Variants in OSBPL9 observed in about 807,000 individuals in gnomAD.
The protein encoded by OSBPL9 is oxysterol binding protein like 9, also known as oxysterol-binding protein-related protein 9.
A neutral mutation model predicts 106.6 loss-of-function variants in OSBPL9; 40 were observed. That is an observed-to-expected ratio of 0.38 (90% CI 0.29 to 0.49). The LOEUF is 0.49. OSBPL9 is among the 20% of genes least tolerant of loss of function. The pLI, the probability that OSBPL9 is intolerant of heterozygous loss-of-function variation, is 0.97. For synonymous variants in OSBPL9, 269 were observed against 295.4 expected (o/e 0.91, Z 0.92); for missense variants, 609 against 887.2 (o/e 0.69, Z 3.98).
the OSBPL9 span, among the ~76,000 whole-genome samples, chr1:51,571,584 T>C: frequency 3.9e-5 from 6 of 151,980 alleles, no homozygotes; most frequent in Non-Finnish European, 5.9e-5. Flanking sequence ...GGAGAAGCAT[T>C]TGGGCCCAGG....
At chr1:51,545,816 A>G in the OSBPL9 span, among the ~76,000 whole-genome samples, 1 of 152,190 alleles carries the variant, frequency 6.6e-6, no homozygotes, top group Non-Finnish European at 1.5e-5. Context: ...TTATAGCTGA[A>G]GACTTTAACA....
At chr1:51,682,465 A>G (rs1162804629) in intron 3 of OSBPL9, among the ~76,000 whole-genome samples, 1 of 152,020 alleles carries the variant, frequency 6.6e-6, no homozygotes, top group East Asian at 1.9e-4. Flanking sequence ...ATGAACAGAT[A>G]AAGAAAATGT....
intron 3 of OSBPL9, among the ~76,000 whole-genome samples, chr1:51,708,428 TTTG>T (rs1447180898): frequency 6.6e-6 from 1 of 152,150 alleles, no homozygotes; most frequent in African/African-American, 2.4e-5. Context: ...CTGTTTTACA[TTTG>T]TTGTATTCAG....
At chr1:51,724,585 A>G (rs1662774219) in intron 4 of OSBPL9, among the ~76,000 whole-genome samples, 1 of 151,802 alleles carries the variant, frequency 6.6e-6, no homozygotes, top group Admixed American at 6.6e-5. Flanking sequence ...CGCCTGGCCC[A>G]CTCTTCTTGC....
chr1:51,585,489 A>T (rs1009878469), intron 1 of OSBPL9, among the ~76,000 whole-genome samples: 1 of 152,172 alleles, frequency 6.6e-6, no homozygotes, highest in African/African-American at 2.4e-5. Flanking sequence ...TATCAAAAAT[A>T]AAGTTCAGCC....
chr1:51,750,200 G>A lies in OSBPL9; in HGVS notation c.543+5G>A. The A allele has an allele frequency of 6.3e-7, 1 of 1,598,122 alleles. No homozygotes were observed. The highest frequency in any genetic ancestry group is 8.5e-7 in the Non-Finnish European group (1 of 1,171,294). On this transcript the variant is annotated splice_donor_5th_base_variant and intron_variant, in intron 8 of 23. Transcript: ENST00000428468. ...GTGTTGCTGCAGATTGCCAAAGTAA[G>A]TAAATTTTACTTTCAATTACCTTTG...
chr1:51,548,523 G>T, the OSBPL9 span, among the ~76,000 whole-genome samples: 5 of 151,642 alleles, frequency 3.3e-5, no homozygotes. Flanking sequence ...CAGGGTAGCT[G>T]GGACTACAAA....
chr1:51,720,428 C>G (rs994597481), intron 4 of OSBPL9, among the ~76,000 whole-genome samples: 2 of 151,556 alleles, frequency 1.3e-5, no homozygotes, highest in Non-Finnish European at 1.5e-5. Context: ...CAGGTTCAAG[C>G]AATTCTCCTG....
intron 15 of OSBPL9, among the ~76,000 whole-genome samples, chr1:51,778,736 C>T (rs756702643): frequency 3.3e-5 from 5 of 152,022 alleles, no homozygotes; most frequent in South Asian, 2.1e-4. Context: ...CCCCGCCCCC[C>T]CAAAAAATCA....
chr1:51,669,793 T>C (rs1419103621), intron 3 of OSBPL9: 2 of 550,280 alleles, frequency 3.6e-6, no homozygotes, highest in Non-Finnish European at 7.0e-6. Flanking sequence ...CTGCTGCTGC[T>C]GCTGGCTTGT....
At chr1:51,586,031 G>A (rs1412582682) in intron 1 of OSBPL9, among the ~76,000 whole-genome samples, 1 of 150,758 alleles carries the variant, frequency 6.6e-6, no homozygotes, top group Non-Finnish European at 1.5e-5. Flanking sequence ...AAATTAGCCG[G>A]GCATAGGTGG....
At chr1:51,669,603 T>A (rs766396818) in intron 3 of OSBPL9, 91 bp downstream of exon 3, 2 of 1,210,004 alleles carry the variant, frequency 1.7e-6, no homozygotes, top group Admixed American at 3.8e-5. Flanking sequence ...TTGAATGGTT[T>A]TGCAACTGAT....
chr1:51,735,473 A>C (rs991020137), intron 4 of OSBPL9, among the ~76,000 whole-genome samples: 7 of 152,036 alleles, frequency 4.6e-5, no homozygotes. Context: ...TTCTGTCCAA[A>C]TCCTACACTC....
At chr1:51,738,690 A>G (rs1428849865) in intron 4 of OSBPL9, among the ~76,000 whole-genome samples, 1 of 152,010 alleles carries the variant, frequency 6.6e-6, no homozygotes, top group African/African-American at 2.4e-5. Context: ...TCATCAACTT[A>G]TAGCTTGTTT....
At chr1:51,604,510 C>T (rs1458969797) in intron 2 of OSBPL9, among the ~76,000 whole-genome samples, 1 of 151,410 alleles carries the variant, frequency 6.6e-6, no homozygotes, top group Non-Finnish European at 1.5e-5. Context: ...AAGCCAAGAT[C>T]CCACCATTAT....
the OSBPL9 span, among the ~76,000 whole-genome samples, chr1:51,554,967 G>A: frequency 6.6e-6 from 1 of 152,196 alleles, no homozygotes; most frequent in Non-Finnish European, 1.5e-5. Flanking sequence ...AAATACAAGG[G>A]TTATTAATAA....
chr1:51,663,153 T>C (rs1647495318), intron 2 of OSBPL9, among the ~76,000 whole-genome samples: 1 of 152,092 alleles, frequency 6.6e-6, no homozygotes, highest in Admixed American at 6.6e-5. Context: ...GGAATAAATA[T>C]TAACAAAAGA....
At chr1:51,756,444 C>G in intron 9 of OSBPL9, 86 bp downstream of exon 9, 1 of 1,312,786 alleles carries the variant, frequency 7.6e-7, no homozygotes, top group African/African-American at 1.5e-5. Context: ...AATTACTACT[C>G]ATTTTTCAAT....
At chr1:51,715,458 G>A (rs1394321189) in intron 4 of OSBPL9, among the ~76,000 whole-genome samples, 1 of 152,034 alleles carries the variant, frequency 6.6e-6, no homozygotes, top group African/African-American at 2.4e-5. Flanking sequence ...GTTTTTTTGA[G>A]ACAGAGTCTC....
Sources: gnomAD v4.1 joint callset for allele counts (sites outside exome capture counted in the v4.1 genomes callset) on GRCh38, gnomAD v4.1.1 for gene constraint, MANE v1.5 for transcripts, NCBI Gene and HGNC (gene_info 2026-07-23, HGNC 2026-07-21) for gene names.